The following SPAG1 variants were observed in gnomAD, a reference collection of about 807,000 sequenced individuals.
The protein encoded by SPAG1 is sperm-associated antigen 1.
In SPAG1, 69 loss-of-function variants were observed where a neutral mutation model predicts 100.5. The observed-to-expected ratio is 0.69, with a 90% CI of 0.57 to 0.84. The LOEUF is 0.84. SPAG1 is among the 40% of genes least tolerant of loss of function. The probability of loss-of-function intolerance (pLI) is 0.00; values close to 1 mark genes in which losing one functional copy is unlikely to be tolerated. For synonymous variants in SPAG1, 336 were observed against 411.6 expected, an observed-to-expected ratio of 0.82 and a Z score of 2.22; for missense variants, 955 against 1,133.1, an observed-to-expected ratio of 0.84 and a Z score of 2.26.
chr8:100,184,754 G>A, intron 7 of SPAG1, 21 bp downstream of exon 7: 1 of 1,370,158 alleles, frequency 7.3e-7, no homozygotes, highest in Non-Finnish European at 1.0e-6. Context: ...GTTTGTTGGG[G>A]TTTAAACTTG....
At chr8:100,201,327 G>T (rs971171020) in intron 10 of SPAG1, among the ~76,000 whole-genome samples, 1 of 151,720 alleles carries the variant, frequency 6.6e-6, no homozygotes, top group Non-Finnish European at 1.5e-5. Context: ...GTCTCACTTC[G>T]TTACTCAGGG....
chr8:100,213,731 C>A, intron 11 of SPAG1, 88 bp from the exon 12 acceptor site: 1 of 811,804 alleles, frequency 1.2e-6, no homozygotes, highest in Non-Finnish European at 2.1e-6. Flanking sequence ...AGTGCCACCC[C>A]ACCGGAGACC....
At chr8:100,175,144 C>A (rs1280306995) in intron 3 of SPAG1, among the ~76,000 whole-genome samples, 1 of 152,058 alleles carries the variant, frequency 6.6e-6, no homozygotes, top group Non-Finnish European at 1.5e-5. Flanking sequence ...TGTGCCACCA[C>A]TCCTGGCTTA....
chr8:100,205,790 G>A (rs1240487132), intron 10 of SPAG1, among the ~76,000 whole-genome samples: 1 of 151,980 alleles, frequency 6.6e-6, no homozygotes, highest in Non-Finnish European at 1.5e-5. Context: ...GCCGAGGCGG[G>A]CAGATCACGA....
intron 17 of SPAG1, 38 bp from the exon 18 acceptor site, chr8:100,240,365 G>A: frequency 1.3e-6 from 2 of 1,544,576 alleles, no homozygotes; most frequent in Non-Finnish European, 1.7e-6. Context: ...GGTGATTGTG[G>A]TTCAGTGTCA....
At chr8:100,198,175 T>A (rs2132301774) in intron 10 of SPAG1, among the ~76,000 whole-genome samples, 1 of 152,242 alleles carries the variant, frequency 6.6e-6, no homozygotes, top group East Asian at 1.9e-4. Context: ...AAAATTAAAG[T>A]CACTCACAAA....
intron 14 of SPAG1, among the ~76,000 whole-genome samples, chr8:100,230,226 C>T (rs759157980): frequency 1.4e-4 from 21 of 152,156 alleles, no homozygotes; most frequent in African/African-American, 2.7e-4. Context: ...TTTGGGGTGC[C>T]GGATAGATGT....
At chr8:100,230,676 T>C (rs1818726539) in intron 14 of SPAG1, among the ~76,000 whole-genome samples, 1 of 152,296 alleles carries the variant, frequency 6.6e-6, no homozygotes, top group East Asian at 1.9e-4. Flanking sequence ...CAGGCTAGAG[T>C]GCAACGGCAT....
rs1817232273 is a variant in SPAG1, at chr8:100,200,572, A to G, written c.1096+6304A>G. ...GTTTACAGTCCCACCAACAGTGTAA[A>G]AGCGTTTCTATTTCTCCACATCCTC... On this transcript the variant is annotated intron_variant, in intron 10 of 18. Coordinates refer to ENST00000388798, the MANE Select transcript of SPAG1 (RefSeq NM_003114.5). Among the ~76,000 whole-genome samples, 3 of 152,326 alleles carry G rather than the reference A, an allele frequency of 2.0e-5. No homozygotes were observed. In the South Asian group the frequency reaches 6.2e-4, roughly 32 times the overall value.
intron 13 of SPAG1, among the ~76,000 whole-genome samples, chr8:100,223,365 T>C (rs963760596): frequency 4.6e-5 from 7 of 152,210 alleles, no homozygotes; most frequent in African/African-American, 1.2e-4. Flanking sequence ...TCAGGAAGGT[T>C]CATTTAAAGT....
rs1024080882 is a variant in SPAG1, at chr8:100,184,043, G to T, written c.576G>T (p.Glu192Asp). ...ACAAGTCACACTTGTCTAAAATTGA[G>T]ACAAGAATAGATACAGCAGGTAATT... ...VIDKSHLSKI[E>D]TRIDTAGLTE... The change falls in exon 6 of 19, where the codon GAG (glutamate) becomes GAT (aspartate). Residue 192 changes from glutamate (E) to aspartate (D), a missense_variant. Glu to Asp is a conservative substitution (Grantham distance 45). Coordinates refer to ENST00000388798, the MANE Select transcript of SPAG1 (RefSeq NM_003114.5). 8 of 1,459,912 alleles carry T rather than the reference G, an allele frequency of 5.5e-6. No individual in the cohort carries two copies. Among genetic ancestry groups the T allele is most frequent in the Non-Finnish European group, 7.4e-6 (8 of 1,077,876 alleles). The allele number at this position is 1,459,912 out of a possible 1,614,324, so 90.4% of individuals were successfully genotyped here. A position where few individuals can be genotyped will look rare whatever the true frequency, so the allele number is the denominator to read the frequency against.
At position 100,201,775 on chromosome 8, in the gene SPAG1, G is replaced by A. The variant is rs567304189; in HGVS notation, c.1096+7507G>A. ...AGAGGGTCCTGCCACATACTCTGAG[G>A]GAAGGAATGCTGACTTCAAAAATTT... On this transcript the variant is annotated intron_variant, in intron 10 of 18. Transcript: ENST00000388798. 1.1e-4 allele frequency among the ~76,000 whole-genome samples: 16 copies of A among 152,246 alleles called. 1 individual carries two copies. The South Asian group carries it at 2.9e-3, about 28-fold the overall frequency.
intron 10 of SPAG1, among the ~76,000 whole-genome samples, chr8:100,198,068 T>C (rs1817107526): frequency 6.6e-6 from 1 of 152,218 alleles, no homozygotes; most frequent in South Asian, 2.1e-4. Flanking sequence ...TGGTATTTAT[T>C]CCATCTATCT....
At chr8:100,187,275 T>C in intron 8 of SPAG1, 25 bp downstream of exon 8, 3 of 1,576,218 alleles carry the variant, frequency 1.9e-6, no homozygotes, top group Non-Finnish European at 2.6e-6. Flanking sequence ...AGAATTCTTT[T>C]ACATTTACAG....
chr8:100,210,043 G>A lies in SPAG1; in HGVS notation c.1097-3047G>A, dbSNP rs1466911800. Among the ~76,000 whole-genome samples, 5 of 152,052 alleles carry A rather than the reference G, an allele frequency of 3.3e-5. 1 individual carries two copies. In the South Asian group the frequency reaches 6.2e-4, roughly 19 times the overall value. The stretch of plus-strand genomic sequence containing the variant: ...ACTTTTAGTACAGTGTTGAATAGCC[G>A]TGGTGAAAATGGGCATCCTTGTCTT... On this transcript the variant is annotated intron_variant, in intron 10 of 18. Transcript: ENST00000388798.
chr8:100,200,255 G>A (rs1186824790), intron 10 of SPAG1, among the ~76,000 whole-genome samples: 1 of 152,140 alleles, frequency 6.6e-6, no homozygotes, highest in Non-Finnish European at 1.5e-5. Flanking sequence ...CTTCATCCAT[G>A]TCCCTACAAA....
At chr8:100,209,025 C>G (rs2132336848) in intron 10 of SPAG1, among the ~76,000 whole-genome samples, 1 of 152,138 alleles carries the variant, frequency 6.6e-6, no homozygotes, top group East Asian at 1.9e-4. Flanking sequence ...AGTCAGTGGG[C>G]TGGGGAAGGC....
At chr8:100,173,457 C>T (rs1815970131) in intron 3 of SPAG1, among the ~76,000 whole-genome samples, 1 of 152,110 alleles carries the variant, frequency 6.6e-6, no homozygotes, top group Non-Finnish European at 1.5e-5. Context: ...ACCCTCCCTG[C>T]CTTCTATACA....
At chr8:100,211,234 G>A (rs368351753) in intron 10 of SPAG1, among the ~76,000 whole-genome samples, 6 of 152,100 alleles carry the variant, frequency 3.9e-5, no homozygotes, top group Admixed American at 1.3e-4. Context: ...ATTGTCCCAC[G>A]GGTATCCCAA....
Sources: allele counts gnomAD v4.1 joint callset (sites outside exome capture counted in the v4.1 genomes callset), GRCh38; gene constraint gnomAD v4.1.1; transcripts MANE v1.5; gene names NCBI Gene and HGNC (gene_info 2026-07-23, HGNC 2026-07-21).